GNAQ: variants seen among roughly 807,000 people sequenced by gnomAD.
The protein encoded by GNAQ is guanine nucleotide-binding protein G(q) subunit alpha.
In GNAQ, 8 loss-of-function variants were observed where a neutral mutation model predicts 43.9. That is an observed-to-expected ratio of 0.18 (90% CI 0.11 to 0.33). The LOEUF (loss-of-function observed/expected upper bound fraction) is 0.33, where lower values mean the gene tolerates loss of function less well. Among genes scored for constraint, GNAQ ranks in the 10% least tolerant of loss-of-function variants. The probability of loss-of-function intolerance (pLI) is 1.00; values close to 1 mark genes in which losing one functional copy is unlikely to be tolerated. For synonymous variants in GNAQ, 155 were observed against 170.7 expected, an observed-to-expected ratio of 0.91 and a Z score of 0.71; for missense variants, 158 against 450.8, an observed-to-expected ratio of 0.35 and a Z score of 5.88.
At chr9:77,758,399 T>C (rs542414779) in intron 5 of GNAQ, among the ~76,000 whole-genome samples, 2 of 152,184 alleles carry the variant, frequency 1.3e-5, no homozygotes, top group Non-Finnish European at 2.9e-5. Context: ...ACTGACACAG[T>C]ATTAATAAGA....
intron 2 of GNAQ, among the ~76,000 whole-genome samples, chr9:77,829,808 C>T (rs758506295): frequency 5.3e-5 from 8 of 152,118 alleles, no homozygotes; most frequent in Non-Finnish European, 1.0e-4. Context: ...GATCTGTGTG[C>T]ACATTAAAGT....
At chr9:77,899,438 T>A (rs938849069) in intron 2 of GNAQ, among the ~76,000 whole-genome samples, 4 of 151,486 alleles carry the variant, frequency 2.6e-5, no homozygotes, top group Admixed American at 2.6e-4. Context: ...TGTGTGTGTC[T>A]GTGTGTGTGT....
chr9:77,955,727 T>C (rs536682531), intron 1 of GNAQ, among the ~76,000 whole-genome samples: 26 of 152,344 alleles, frequency 1.7e-4, no homozygotes, highest in African/African-American at 5.3e-4. Context: ...ACTCTTTTGA[T>C]AGCTATTATA....
intron 5 of GNAQ, among the ~76,000 whole-genome samples, chr9:77,793,903 T>G (rs1300972959): frequency 1.3e-5 from 2 of 152,150 alleles, no homozygotes; most frequent in Non-Finnish European, 2.9e-5. Flanking sequence ...CTTCTTCAAC[T>G]GCTCACTGCT....
intron 2 of GNAQ, among the ~76,000 whole-genome samples, chr9:77,880,447 C>T (rs1450058052): frequency 6.6e-6 from 1 of 152,068 alleles, no homozygotes; most frequent in Non-Finnish European, 1.5e-5. Context: ...GTGTTGTGAT[C>T]CTAGCTCACT....
At chr9:78,001,629 G>A (rs1048650929) in intron 1 of GNAQ, among the ~76,000 whole-genome samples, 3 of 150,062 alleles carry the variant, frequency 2.0e-5, no homozygotes, top group South Asian at 2.1e-4. Flanking sequence ...TTGAAACACC[G>A]ATTTCCTCTG....
intron 1 of GNAQ, among the ~76,000 whole-genome samples, chr9:77,938,461 T>C (rs901627871): frequency 3.9e-5 from 6 of 152,262 alleles, no homozygotes; most frequent in African/African-American, 1.4e-4. Context: ...AACAGTTCAA[T>C]TTTACAGGGA....
chr9:77,760,238 G>C (rs893619209), intron 5 of GNAQ, among the ~76,000 whole-genome samples: 11 of 58,636 alleles, frequency 1.9e-4, no homozygotes, highest in African/African-American at 5.3e-4. Flanking sequence ...CTCTCCCCAC[G>C]GTCTCCCTCT....
Position 77,894,650 on chromosome 9 carries a change from T to C in GNAQ, c.321+27511A>G, listed in dbSNP as rs372695736. 4.6e-5 allele frequency among the ~76,000 whole-genome samples: 7 copies of C among 151,092 alleles called. No homozygotes were observed. The South Asian group carries it at 1.5e-3, about 32-fold the overall frequency. On this transcript the variant is annotated intron_variant, in intron 2 of 6. Transcript: ENST00000286548. Reference sequence around the variant, plus strand: ...GTTGACCAGGAAGGTCTAGATCCCTTGACCTTGTGATCCATCTGCCTCAGC... The same window carrying C: ...GTTGACCAGGAAGGTCTAGATCCCTCGACCTTGTGATCCATCTGCCTCAGC...
intron 6 of GNAQ, among the ~76,000 whole-genome samples, chr9:77,725,557 G>C (rs555913191): frequency 8.1e-5 from 9 of 111,352 alleles, no homozygotes; most frequent in Non-Finnish European, 1.5e-4. Context: ...TGCATTATAT[G>C]TATACTGGGG....
At chr9:77,807,179 G>C (rs1450501029) in intron 3 of GNAQ, among the ~76,000 whole-genome samples, 1 of 152,186 alleles carries the variant, frequency 6.6e-6, no homozygotes, top group East Asian at 1.9e-4. Flanking sequence ...GAATACCAGA[G>C]TCAGCAAGGC....
chr9:77,922,419 A>T, intron 1 of GNAQ, 74 bp from the exon 2 acceptor site: 8 of 983,114 alleles, frequency 8.1e-6, no homozygotes, highest in East Asian at 2.5e-5. Context: ...ACCAAATACC[A>T]TGCCTTGGAT....
intron 1 of GNAQ, among the ~76,000 whole-genome samples, chr9:77,950,867 T>C (rs1347226727): frequency 6.6e-6 from 1 of 151,974 alleles, no homozygotes; most frequent in African/African-American, 2.4e-5. Flanking sequence ...ATAAGAGACA[T>C]CTATAAAACA....
intron 2 of GNAQ, among the ~76,000 whole-genome samples, chr9:77,873,598 G>A (rs1439756666): frequency 6.6e-6 from 1 of 152,164 alleles, no homozygotes; most frequent in Non-Finnish European, 1.5e-5. Context: ...AGGAAGGGAT[G>A]GGAAAGACTG....
chr9:77,897,962 C>G (rs1419875044), intron 2 of GNAQ, among the ~76,000 whole-genome samples: 1 of 136,312 alleles, frequency 7.3e-6, no homozygotes, highest in African/African-American at 2.7e-5. Context: ...AAAAAAAAAG[C>G]AATGCAAGAA....
At chr9:77,795,597 C>G (rs11145565) in intron 4 of GNAQ, among the ~76,000 whole-genome samples, 90,550 of 151,960 alleles carry the variant, frequency 0.6, 27,992 homozygotes, top group Middle Eastern at 0.71. Flanking sequence ...TCTTCTAAGT[C>G]ACTACTCGTA....
At chr9:77,849,556 T>G (rs1827641072) in intron 2 of GNAQ, among the ~76,000 whole-genome samples, 2 of 152,328 alleles carry the variant, frequency 1.3e-5, no homozygotes, top group Middle Eastern at 3.4e-3. Flanking sequence ...TCATCCGTAC[T>G]GGCTTTTCAA....
chr9:77,824,960 T>G (rs149708529), intron 2 of GNAQ, among the ~76,000 whole-genome samples: 1 of 152,324 alleles, frequency 6.6e-6, no homozygotes, highest in Admixed American at 6.5e-5. Flanking sequence ...CAGAGTGATA[T>G]AAAAATGCAT....
chr9:77,903,806 A>G (rs1828655325), intron 2 of GNAQ, among the ~76,000 whole-genome samples: 1 of 152,148 alleles, frequency 6.6e-6, no homozygotes, highest in Non-Finnish European at 1.5e-5. Context: ...TCAAAAGTGA[A>G]CTGCCAGTTT....
Sources: allele counts gnomAD v4.1 joint callset (sites outside exome capture counted in the v4.1 genomes callset), GRCh38; gene constraint gnomAD v4.1.1; transcripts MANE v1.5; gene names NCBI Gene and HGNC (gene_info 2026-07-23, HGNC 2026-07-21).